PSEN2: variants seen among roughly 807,000 people sequenced by gnomAD.
PSEN2 encodes presenilin-2.
In PSEN2, 32 loss-of-function variants were observed where a neutral mutation model predicts 49.1. That is an observed-to-expected ratio of 0.65 (90% confidence interval 0.49 to 0.88). PSEN2 has a LOEUF of 0.88. Among genes scored for constraint, PSEN2 ranks in the 40% least tolerant of loss-of-function variants. The pLI is 0.00. For synonymous variants in PSEN2, 255 were observed against 244.0 expected (o/e 1.05, Z -0.42); for missense variants, 522 against 586.9 (o/e 0.89, Z 1.14).
chr1:226,890,186 G>A (rs779875543), intron 9 of PSEN2, 53 bp downstream of exon 9: 15 of 1,425,126 alleles, frequency 1.1e-5, no homozygotes, highest in East Asian at 4.6e-5. Flanking sequence ...GGCAGCCTGT[G>A]GGGGGACAGG....
intron 4 of PSEN2, 38 bp downstream of exon 4, chr1:226,882,086 C>T: frequency 6.2e-7 from 1 of 1,611,934 alleles, no homozygotes; most frequent in Non-Finnish European, 8.5e-7. Flanking sequence ...TCAAACAGGT[C>T]CCTGCGGCTA....
At chr1:226,885,799 T>C (rs937251234) in intron 6 of PSEN2, 120 bp downstream of exon 6, 11 of 1,171,046 alleles carry the variant, frequency 9.4e-6, no homozygotes, top group Admixed American at 1.9e-5. Flanking sequence ...TAGACCCAGA[T>C]TTTTTGTACT....
downstream of PSEN2, among the ~76,000 whole-genome samples, chr1:226,897,347 G>T (rs1010190496): frequency 1.3e-5 from 2 of 152,314 alleles, no homozygotes; most frequent in African/African-American, 4.8e-5. Context: ...CCTGGCCAAG[G>T]GTTGCTGGGT....
rs63750207 is a variant in PSEN2, at chr1:226,891,773, C to G, written c.1001C>G (p.Pro334Arg). 7.2e-5 allele frequency: 117 copies of G among 1,614,052 alleles called. No individual in the cohort carries two copies. Among genetic ancestry groups the G allele is most frequent in the Non-Finnish European group, 9.2e-5 (109 of 1,180,012 alleles). ...GACTCCTATGACAGTTTTGGGGAGCCTTCATACCCCGAAGTCTTTGAGCCT... is the reference window on the plus strand; with the variant it reads ...GACTCCTATGACAGTTTTGGGGAGCGTTCATACCCCGAAGTCTTTGAGCCT... The part of the protein sequence containing the change: ...EEDSYDSFGE[P>R]SYPEVFEPPL... The change falls in exon 11 of 13, where the codon CCT (proline) becomes CGT (arginine). Residue 334 changes from proline (P) to arginine (R), a missense_variant. Pro to Arg is a moderately radical substitution (Grantham distance 103). Coordinates refer to ENST00000366783, the MANE Select transcript of PSEN2 (RefSeq NM_000447.3).
chr1:226,879,351 G>A (rs1265093524), intron 3 of PSEN2, among the ~76,000 whole-genome samples: 1 of 152,182 alleles, frequency 6.6e-6, no homozygotes, highest in Non-Finnish European at 1.5e-5. Context: ...TAGTCTGAGG[G>A]TACTCTGAGT....
At chr1:226,872,797 G>A (rs986988716) in intron 2 of PSEN2, among the ~76,000 whole-genome samples, 3 of 152,190 alleles carry the variant, frequency 2.0e-5, no homozygotes, top group Non-Finnish European at 4.4e-5. Context: ...AAAGGCGGGG[G>A]TGAGGCTGAG....
intron 3 of PSEN2, among the ~76,000 whole-genome samples, chr1:226,875,986 G>C (rs1172377114): frequency 6.6e-6 from 1 of 152,156 alleles, no homozygotes; most frequent in African/African-American, 2.4e-5. Flanking sequence ...ACTTCCTTCT[G>C]CCTCTCTGCA....
intron 6 of PSEN2, among the ~76,000 whole-genome samples, chr1:226,887,342 A>C (rs1344755985): frequency 6.6e-6 from 1 of 152,084 alleles, no homozygotes; most frequent in Non-Finnish European, 1.5e-5. Flanking sequence ...CTTTTAGTCC[A>C]GGTAGACCAG....
intron 3 of PSEN2, chr1:226,880,461 C>T (rs1207108071): frequency 4.9e-6 from 7 of 1,422,326 alleles, no homozygotes; most frequent in Non-Finnish European, 6.5e-6. Flanking sequence ...CCTGCTATCC[C>T]TGCCCAGGGT....
intron 5 of PSEN2, 56 bp downstream of exon 5, chr1:226,883,975 T>TGGGGGCTGTGTGGCCGGGGGGG: frequency 2.3e-5 from 3 of 129,696 alleles, no homozygotes; most frequent in East Asian, 1.5e-4. Context: ...TGCCAGGGGG[T>TGGGGGCTGTGTGGCCGGGGGGG]GGGGGGCGCA....
chr1:226,889,057 G>A lies in PSEN2; in HGVS notation c.787+8G>A, dbSNP rs751014475. 28 of 1,611,340 alleles carry A rather than the reference G, an allele frequency of 1.7e-5. No individual in the cohort carries two copies. Among genetic ancestry groups the A allele is most frequent in the Admixed American group, 1.2e-4 (7 of 59,858 alleles). ...GCGCCATCTCTGTGTATGGTAGGTG[G>A]GCAGCAAGGCTGGTGGGGGCAGTGG... On this transcript the variant is annotated splice_region_variant and intron_variant, in intron 8 of 12. Coordinates refer to ENST00000366783, the MANE Select transcript of PSEN2 (RefSeq NM_000447.3).
intron 3 of PSEN2, chr1:226,880,799 C>T: frequency 1.9e-6 from 3 of 1,601,590 alleles, no homozygotes; most frequent in Non-Finnish European, 2.6e-6. Flanking sequence ...GGCTTCCCTC[C>T]TGTCCCCTTG....
chr1:226,876,795 G>A (rs776033228), intron 3 of PSEN2, among the ~76,000 whole-genome samples: 15 of 152,162 alleles, frequency 9.9e-5, no homozygotes, highest in Non-Finnish European at 8.8e-5. Flanking sequence ...TTTCAGGATC[G>A]AAAGGTATGC....
Position 226,883,812 on chromosome 1 carries a change from C to T in PSEN2, c.249C>T (p.Tyr83=), listed in dbSNP as rs549378958. 1.2e-5 allele frequency: 20 copies of T among 1,614,172 alleles called. No homozygotes were observed. Among genetic ancestry groups the T allele is most frequent in the South Asian group, 1.2e-4 (11 of 91,078 alleles). ...PGLEEELTLK[Y]GAKHVIMLFV... Reference sequence around the variant, plus strand: ...TGGAGGAAGAGCTGACCCTCAAATACGGAGCGAAGCACGTGATCATGCTGT... The same window carrying T: ...TGGAGGAAGAGCTGACCCTCAAATATGGAGCGAAGCACGTGATCATGCTGT... The change falls in exon 5 of 13, where the codon TAC becomes TAT. Residue 83 remains tyrosine, a synonymous_variant. Coordinates refer to ENST00000366783, the MANE Select transcript of PSEN2 (RefSeq NM_000447.3).
chr1:226,901,789 T>C (rs1662328785), intron 12 of PSEN2, among the ~76,000 whole-genome samples: 2 of 152,220 alleles, frequency 1.3e-5, no homozygotes, highest in African/African-American at 4.8e-5. Flanking sequence ...GAAGATAACA[T>C]TAATTCTTGA....
At chr1:226,883,948 TGGG>T in intron 5 of PSEN2, 29 bp downstream of exon 5, 1 of 319,762 alleles carries the variant, frequency 3.1e-6, no homozygotes, top group Non-Finnish European at 4.7e-6. Flanking sequence ...GGGAGCAGGG[TGGG>T]GTGAGGGCTG....
intron 2 of PSEN2, among the ~76,000 whole-genome samples, chr1:226,874,848 T>C (rs1660534471): frequency 6.6e-6 from 1 of 152,188 alleles, no homozygotes; most frequent in Non-Finnish European, 1.5e-5. Flanking sequence ...AGGCAGGCGA[T>C]CTGAACCCTG....
intron 12 of PSEN2, 37 bp downstream of exon 12, chr1:226,894,162 G>A (rs1448396641): frequency 6.4e-7 from 1 of 1,562,524 alleles, no homozygotes; most frequent in Non-Finnish European, 8.8e-7. Context: ...GCCTCGTGGT[G>A]GGGGCCCCCA....
At chr1:226,894,525 GT>G (rs748803894) in intron 12 of PSEN2, among the ~76,000 whole-genome samples, 47 of 152,340 alleles carry the variant, frequency 3.1e-4, no homozygotes, top group Admixed American at 1.3e-3. Context: ...TGAGGACCAT[GT>G]TTTCCCCCTC....
Sources: allele counts gnomAD v4.1 joint callset (sites outside exome capture counted in the v4.1 genomes callset), GRCh38; gene constraint gnomAD v4.1.1; transcripts MANE v1.5; gene names NCBI Gene and HGNC (gene_info 2026-07-23, HGNC 2026-07-21).